The following TACC2 variants were observed in gnomAD, a reference collection of about 807,000 sequenced individuals.
The protein encoded by TACC2 is transforming acidic coiled-coil containing protein 2, also known as transforming acidic coiled-coil-containing protein 2.
In TACC2, 137 loss-of-function variants were observed where a neutral mutation model predicts 227.3. The ratio of observed to expected loss-of-function variants is 0.60; its 90% CI spans 0.52 to 0.69. The LOEUF is 0.69. Ranked by LOEUF, TACC2 falls within the 30% of genes least tolerant of loss-of-function variation. The pLI, the probability that TACC2 is intolerant of heterozygous loss-of-function variation, is 0.00. For synonymous variants in TACC2, 1,523 were observed against 1,487.5 expected (o/e 1.02, Z -0.55); for missense variants, 3,470 against 3,694.4 (o/e 0.94, Z 1.57).
At chr10:122,017,907 C>G (rs1193394961) in intron 1 of TACC2, among the ~76,000 whole-genome samples, 2 of 143,996 alleles carry the variant, frequency 1.4e-5, no homozygotes, top group East Asian at 4.1e-4. Context: ...GGCAAACAGT[C>G]TTGTCTCTCA....
chr10:122,128,474 G>T (rs1201656409), intron 5 of TACC2, among the ~76,000 whole-genome samples: 1 of 152,188 alleles, frequency 6.6e-6, no homozygotes, highest in Non-Finnish European at 1.5e-5. Context: ...TTTTATTCCA[G>T]ATCTTCTTTG....
intron 3 of TACC2, among the ~76,000 whole-genome samples, chr10:122,059,835 G>GA (rs1209416590): frequency 3.1e-5 from 3 of 96,528 alleles, no homozygotes; most frequent in Non-Finnish European, 7.6e-5. Flanking sequence ...TCTCAAAGTG[G>GA]GGTTCTGGCC....
chr10:122,012,418 CAAAAAAAA>C (rs752342348), intron 1 of TACC2, among the ~76,000 whole-genome samples: 5 of 60,726 alleles, frequency 8.2e-5, no homozygotes, highest in African/African-American at 3.6e-4. Flanking sequence ...GACTCCGTCT[CAAAAAAAA>C]AAAAAAAAAA....
chr10:122,217,665 C>T (rs1202774746), intron 11 of TACC2, among the ~76,000 whole-genome samples: 4 of 152,082 alleles, frequency 2.6e-5, no homozygotes, highest in African/African-American at 7.2e-5. Flanking sequence ...GTCTCTAACT[C>T]CTGACCTCAG....
chr10:122,147,918 G>A lies in TACC2; in HGVS notation c.5834+4212G>A, dbSNP rs555000539. ...TCACCTTCAGTGCACTCTCCACCTC[G>A]ACTCTCTCCACAGCTGCTTTCAACC... On this transcript the variant is annotated intron_variant, in intron 7 of 22. Transcript: ENST00000369005. Among the ~76,000 whole-genome samples the A allele has an allele frequency of 1.2e-3, 188 of 152,192 alleles. 1 individual carries two copies. Among genetic ancestry groups the A allele is most frequent in the African/African-American group, 4.3e-3 (178 of 41,518 alleles).
intron 5 of TACC2, among the ~76,000 whole-genome samples, chr10:122,110,776 C>T (rs2083491683): frequency 7.5e-6 from 1 of 133,380 alleles, no homozygotes; most frequent in Admixed American, 7.8e-5. Flanking sequence ...CCTGTGATTG[C>T]CATAATAAAT....
At chr10:122,228,065 A>AT (rs1402440626) in intron 14 of TACC2, 57 bp downstream of exon 14, 91 of 1,548,250 alleles carry the variant, frequency 5.9e-5, no homozygotes, top group Non-Finnish European at 7.6e-5. Context: ...CCAGCTGCGT[A>AT]TTGTCACCAA....
intron 3 of TACC2, among the ~76,000 whole-genome samples, chr10:122,057,359 A>T (rs1039758285): frequency 6.6e-6 from 1 of 152,098 alleles, no homozygotes; most frequent in Non-Finnish European, 1.5e-5. Context: ...GCCAGAAGGA[A>T]TCCCAAGGGA....
Position 122,216,956 on chromosome 10 carries a change from A to C in TACC2, c.7546+128A>C, listed in dbSNP as rs753121206. 5 of 1,541,422 alleles carry C rather than the reference A, an allele frequency of 3.2e-6. No individual in the cohort carries two copies. The Admixed American group carries it at 5.8e-5, about 18-fold the overall frequency. The stretch of plus-strand genomic sequence containing the variant: ...TGATCATCATTGTGAGATCGTCTGC[A>C]CGTCTCCCGCTGCACTTGCAGCTCA... On this transcript the variant is annotated intron_variant, in intron 11 of 22. Transcript: ENST00000369005.
chr10:122,101,551 C>CTTTTTTTTTTTTTTTTTT (rs34331470), intron 5 of TACC2, among the ~76,000 whole-genome samples: 1 of 47,138 alleles, frequency 2.1e-5, no homozygotes, highest in African/African-American at 6.2e-5. Flanking sequence ...AAAACCCCAT[C>CTTTTTTTTTTTTTTTTTT]TTTTTTTTTT....
intron 1 of TACC2, among the ~76,000 whole-genome samples, chr10:122,010,762 G>A (rs1316332647): frequency 6.6e-6 from 1 of 152,214 alleles, no homozygotes; most frequent in Non-Finnish European, 1.5e-5. Flanking sequence ...GTGAAGGAAA[G>A]GAAAGTGAGA....
chr10:122,030,225 A>C (rs1053806467), intron 2 of TACC2, among the ~76,000 whole-genome samples: 1 of 152,150 alleles, frequency 6.6e-6, no homozygotes, highest in Admixed American at 6.6e-5. Context: ...TTTCTACCTG[A>C]ATATAGGCAA....
chr10:122,002,489 A>C (rs770631892), intron 1 of TACC2, among the ~76,000 whole-genome samples: 7 of 152,146 alleles, frequency 4.6e-5, no homozygotes, highest in Non-Finnish European at 8.8e-5. Flanking sequence ...GTCATTCTTC[A>C]TAAAAGGAAT....
chr10:122,223,067 T>C (rs560901263), intron 11 of TACC2, among the ~76,000 whole-genome samples: 2 of 149,478 alleles, frequency 1.3e-5, no homozygotes, highest in Non-Finnish European at 3.0e-5. Context: ...TTTTTTTTTT[T>C]TTTTTTGAGG....
intron 5 of TACC2, 113 bp from the exon 6 acceptor site, chr10:122,132,496 C>T (rs558797067): frequency 3.2e-5 from 40 of 1,263,528 alleles, no homozygotes; most frequent in South Asian, 3.2e-4. Context: ...TTGCAGTGAG[C>T]GGAGATCGCG....
chr10:122,105,988 ATTTTT>A (rs35421851), intron 5 of TACC2, among the ~76,000 whole-genome samples: 1 of 124,674 alleles, frequency 8.0e-6, no homozygotes. Context: ...ATACATATAC[ATTTTT>A]TTTTTTTTTT....
Position 122,084,430 on chromosome 10 carries a change from A to C in TACC2, c.1930A>C (p.Thr644Pro). ...QPPRKGGAGH[T>P]DGPHSQTAEA... is the part of the protein sequence containing the mutation. ...ACCCAGAAAGGGGGGTGCTGGGCAC[A>C]CGGACGGGCCCCACTCTCAGACAGC... Residue 644 changes from threonine to proline, a missense_variant, in exon 4 of 23, where the codon ACG becomes CCG. Around this residue, in one of 10 missense-constraint regions of TACC2, gnomAD observed 1,924 missense variants for 1,978.3 expected, o/e 0.97. Transcript: ENST00000369005. The C allele has an allele frequency of 6.2e-7, 1 of 1,612,924 alleles. No homozygotes were observed. Among genetic ancestry groups the C allele is most frequent in the Non-Finnish European group, 8.5e-7 (1 of 1,180,016 alleles).
At chr10:122,108,631 A>G (rs1237755498) in intron 5 of TACC2, among the ~76,000 whole-genome samples, 2 of 149,702 alleles carry the variant, frequency 1.3e-5, no homozygotes, top group African/African-American at 2.5e-5. Flanking sequence ...TGTTTAGTAG[A>G]GACGAGGTTT....
Position 122,088,531 on chromosome 10 carries a change from C to T in TACC2, c.5513C>T (p.Ala1838Val), listed in dbSNP as rs954821404. 2 of 1,613,796 alleles carry T rather than the reference C, an allele frequency of 1.2e-6. No homozygotes were observed. The highest frequency in any genetic ancestry group is 3.3e-5 in the Admixed American group (2 of 59,980). The change falls in exon 5 of 23, where the codon GCT (alanine) becomes GTT (valine). Residue 1838 changes from alanine (A) to valine (V), a missense_variant. Ala to Val is a moderately conservative substitution (Grantham distance 64). Coordinates refer to ENST00000369005, the MANE Select transcript of TACC2 (RefSeq NM_206862.4). The part of the protein sequence containing the change: ...SMLPSVPKKD[A>V]PRVMDKVTSD... ...TTACCTTCGGTTCCTAAGAAGGATG[C>T]TCCAAGAGTCATGGATAAAGTCACT... is the stretch of plus-strand genomic sequence containing the variant.
Sources: gnomAD v4.1 joint callset for allele counts (sites outside exome capture counted in the v4.1 genomes callset) on GRCh38, gnomAD v4.1.1 for gene constraint, gnomAD v4.1.1 regional missense constraint, MANE v1.5 for transcripts, NCBI Gene and HGNC (gene_info 2026-07-23, HGNC 2026-07-21) for gene names.